Variants in DCK observed in about 807,000 individuals in gnomAD.
DCK encodes the protein deoxycytidine kinase.
Under a neutral mutation model 38.3 loss-of-function variants are expected in DCK, and 23 were observed. The observed-to-expected ratio is 0.60, with a 90% CI of 0.43 to 0.85. The LOEUF is 0.85. Ranked by LOEUF, DCK falls within the 40% of genes least tolerant of loss-of-function variation. The pLI is 0.00. For missense variants in DCK, 259 were observed against 304.4 expected, an observed-to-expected ratio of 0.85 and a Z score of 1.11; for synonymous variants, 108 against 100.6, an observed-to-expected ratio of 1.07 and a Z score of -0.44.
At chr4:71,017,232 AC>A (rs1194897944) in intron 2 of DCK, among the ~76,000 whole-genome samples, 2 of 152,224 alleles carry the variant, frequency 1.3e-5, no homozygotes, top group Non-Finnish European at 1.5e-5. Flanking sequence ...ACAATGAGAT[AC>A]CCTCTCACAC....
intron 2 of DCK, among the ~76,000 whole-genome samples, chr4:71,014,807 A>T (rs1376863897): frequency 6.6e-6 from 1 of 152,254 alleles, no homozygotes; most frequent in Non-Finnish European, 1.5e-5. Flanking sequence ...AAATGCCCAC[A>T]AGATAAAGCA....
chr4:71,019,761 TTGG>T (rs1740362890), intron 2 of DCK, among the ~76,000 whole-genome samples: 1 of 148,702 alleles, frequency 6.7e-6, no homozygotes, highest in Admixed American at 7.0e-5. Context: ...CACGTTACAT[TTGG>T]TGGTTGATAT....
intron 2 of DCK, among the ~76,000 whole-genome samples, chr4:71,014,166 CAAAG>C (rs1397532133): frequency 2.0e-5 from 3 of 152,206 alleles, no homozygotes; most frequent in South Asian, 2.1e-4. Context: ...TCAAAAGAGA[CAAAG>C]AAGGCCATTA....
rs1215734959 is a variant in DCK at position 71,030,660 on chromosome 4, G to A, written c.*1282G>A. The A allele has an allele frequency of 1.3e-5, 2 of 151,792 alleles. No individual in the cohort carries two copies. Among genetic ancestry groups the A allele is most frequent in the African/African-American group, 4.8e-5 (2 of 41,324 alleles). 9.4% of individuals were successfully genotyped at this position (151,792 alleles called of 1,614,324 possible). On this transcript the variant is annotated 3_prime_UTR_variant, in exon 7 of 7. Coordinates refer to ENST00000286648, the MANE Select transcript of DCK (RefSeq NM_000788.3). The stretch of plus-strand genomic sequence containing the variant: ...AAGTATAAACCTTATGAACTACAGT[G>A]GAGCTACACTCATTGAAATGTAATT...
intron 2 of DCK, among the ~76,000 whole-genome samples, chr4:71,009,145 T>C (rs1740025420): frequency 6.6e-6 from 1 of 152,246 alleles, no homozygotes; most frequent in African/African-American, 2.4e-5. Context: ...AAATTTCTCA[T>C]GTATTCCATA....
chr4:70,994,960 T>A (rs560098566), intron 1 of DCK, among the ~76,000 whole-genome samples: 9 of 152,264 alleles, frequency 5.9e-5, no homozygotes, highest in Middle Eastern at 3.4e-3. Flanking sequence ...AAAAAAAAAT[T>A]TTTTTAGCTC....
Position 70,993,850 on chromosome 4 carries a change from C to T in DCK, c.15C>T (p.Pro5=), listed in dbSNP as rs749800459. Residue 5 remains proline (P), a synonymous_variant, in exon 1 of 7, where the codon CCC becomes CCT. Coordinates refer to ENST00000286648, the MANE Select transcript of DCK (RefSeq NM_000788.3). MATP[P]KRSCPSFSAS... ...AAGACTAAGGAATGGCCACCCCGCCCAAGAGAAGCTGCCCGTCTTTCTCAG... is the reference window on the plus strand; with the variant it reads ...AAGACTAAGGAATGGCCACCCCGCCTAAGAGAAGCTGCCCGTCTTTCTCAG... 1.2e-6 allele frequency: 2 copies of T among 1,613,728 alleles called. No homozygotes were observed. Among genetic ancestry groups the T allele is most frequent in the Non-Finnish European group, 8.5e-7 (1 of 1,179,752 alleles).
At chr4:71,028,381 C>T (rs952149190) in intron 6 of DCK, among the ~76,000 whole-genome samples, 1 of 152,068 alleles carries the variant, frequency 6.6e-6, no homozygotes, top group African/African-American at 2.4e-5. Flanking sequence ...TGCTTGAGCC[C>T]AGGAGTTCCT....
At position 71,030,393 on chromosome 4, in the gene DCK, A is replaced by T. The variant is rs997456748; in HGVS notation, c.*1015A>T. ...TTTAGAAAATTTTATGTATTTTAAA[A>T]TAAGGGGAAGAGTCATTTTCACTTT... On this transcript the variant is annotated 3_prime_UTR_variant, in exon 7 of 7. Transcript: ENST00000286648. 2 of 152,164 alleles carry T rather than the reference A, an allele frequency of 1.3e-5. No homozygotes were observed. The highest frequency in any genetic ancestry group is 4.8e-5 in the African/African-American group (2 of 41,452). The allele number at this position is 152,164 out of a possible 1,614,324, so 9.4% of individuals were successfully genotyped here.
chr4:70,995,739 C>T (rs968117952), intron 1 of DCK, among the ~76,000 whole-genome samples: 6 of 152,140 alleles, frequency 3.9e-5, no homozygotes, highest in African/African-American at 1.4e-4. Context: ...AAATAATTTC[C>T]TAATATATCA....
At chr4:71,006,386 C>T (rs921619507) in intron 2 of DCK, 9 of 493,548 alleles carry the variant, frequency 1.8e-5, no homozygotes, top group South Asian at 8.8e-5. Context: ...GTGAGAGAGA[C>T]GTTGCTAAGA....
chr4:71,025,550 C>T (rs1740526411), intron 4 of DCK, among the ~76,000 whole-genome samples: 1 of 151,992 alleles, frequency 6.6e-6, no homozygotes, highest in South Asian at 2.1e-4. Context: ...ATTTTTTTCT[C>T]CTTTTTATCA....
chr4:71,012,748 C>T (rs886480791), intron 2 of DCK, among the ~76,000 whole-genome samples: 4 of 152,030 alleles, frequency 2.6e-5, no homozygotes, highest in Non-Finnish European at 4.4e-5. Flanking sequence ...AGGACATCCA[C>T]ACCAAAACCC....
intron 2 of DCK, among the ~76,000 whole-genome samples, chr4:71,016,403 T>A (rs532866961): frequency 3.9e-5 from 6 of 152,280 alleles, no homozygotes; most frequent in South Asian, 2.1e-4. Flanking sequence ...AAGCTACCAA[T>A]GACTTTCTTC....
intron 2 of DCK, among the ~76,000 whole-genome samples, chr4:71,004,584 G>A (rs996897653): frequency 5.9e-5 from 9 of 152,242 alleles, no homozygotes; most frequent in African/African-American, 1.9e-4. Flanking sequence ...CAGATGCTCT[G>A]TCCCAGGGAG....
intron 2 of DCK, among the ~76,000 whole-genome samples, chr4:71,019,250 T>C (rs181196870): frequency 6.6e-6 from 1 of 152,336 alleles, no homozygotes; most frequent in East Asian, 1.9e-4. Context: ...TTTATTATTT[T>C]TTTGTTAGGT....
chr4:71,023,138 A>G (rs1321439913), intron 3 of DCK, among the ~76,000 whole-genome samples: 1 of 152,234 alleles, frequency 6.6e-6, no homozygotes, highest in Non-Finnish European at 1.5e-5. Context: ...ATATTAATAT[A>G]AATACATTTG....
intron 2 of DCK, among the ~76,000 whole-genome samples, chr4:71,010,230 A>G (rs528757585): frequency 1.4e-5 from 2 of 147,306 alleles, no homozygotes; most frequent in African/African-American, 5.1e-5. Context: ...TTGATAAGGT[A>G]CTCCTAATTT....
Position 71,029,632 on chromosome 4 carries a change from T to TGGAAA in DCK, c.*254_*255insGGAAA. ...TAGCAGGAAATGTAGAGGTAGATGG[T>TGGAAA]TCCAGTATCAGCATAGTGACTAAAC... On this transcript the variant is annotated 3_prime_UTR_variant, in exon 7 of 7. Coordinates refer to ENST00000286648, the MANE Select transcript of DCK (RefSeq NM_000788.3). 1 of 411,798 alleles carries TGGAAA rather than the reference T, an allele frequency of 2.4e-6. No individual in the cohort carries two copies. Among genetic ancestry groups the TGGAAA allele is most frequent in the Non-Finnish European group, 4.3e-6 (1 of 231,034 alleles). The allele number at this position is 411,798 out of a possible 1,614,324, so 25.5% of individuals were successfully genotyped here. A position where few individuals can be genotyped will look rare whatever the true frequency, so the allele number is the denominator to read the frequency against.
Sources: allele counts gnomAD v4.1 joint callset (sites outside exome capture counted in the v4.1 genomes callset), GRCh38; gene constraint gnomAD v4.1.1; transcripts MANE v1.5; gene names NCBI Gene and HGNC (gene_info 2026-07-23, HGNC 2026-07-21).